The following SLC35F4 variants were observed in gnomAD, a reference collection of about 807,000 sequenced individuals.
The protein encoded by SLC35F4 is chromosome 14 open reading frame 36.
A neutral mutation model predicts 44.2 loss-of-function variants in SLC35F4; 24 were observed. The ratio of observed to expected loss-of-function variants is 0.54; its 90% CI spans 0.39 to 0.76. The LOEUF (loss-of-function observed/expected upper bound fraction) is 0.76. SLC35F4 is among the 30% of genes least tolerant of loss of function. The pLI is 0.00. For synonymous variants in SLC35F4, 238 were observed against 223.6 expected, an observed-to-expected ratio of 1.06 and a Z score of -0.57; for missense variants, 562 against 586.1, an observed-to-expected ratio of 0.96 and a Z score of 0.42.
intron 1 of SLC35F4, among the ~76,000 whole-genome samples, chr14:57,623,266 C>T (rs1257367577): frequency 6.6e-6 from 1 of 152,094 alleles, no homozygotes; most frequent in Non-Finnish European, 1.5e-5. Flanking sequence ...AGCTAAATAT[C>T]CTAAATATAT....
intron 1 of SLC35F4, among the ~76,000 whole-genome samples, chr14:57,701,348 C>T (rs2075534407): frequency 6.6e-6 from 1 of 152,090 alleles, no homozygotes; most frequent in South Asian, 2.1e-4. Context: ...CCTGAAAGAC[C>T]TGCCTGAGGG....
chr14:57,930,083 C>T (rs1430699394), intron 1 of SLC35F4, among the ~76,000 whole-genome samples: 1 of 152,152 alleles, frequency 6.6e-6, no homozygotes, highest in Non-Finnish European at 1.5e-5. Context: ...GCAAAACTCC[C>T]TGTGCAGAAC....
At chr14:57,630,221 T>A (rs2072699045) in intron 1 of SLC35F4, 1 of 561,342 alleles carries the variant, frequency 1.8e-6, no homozygotes, top group Admixed American at 2.0e-5. Flanking sequence ...TGTACAGTTC[T>A]TCATGCTATG....
chr14:57,915,251 G>A (rs573070477), intron 1 of SLC35F4, among the ~76,000 whole-genome samples: 1 of 152,208 alleles, frequency 6.6e-6, no homozygotes, highest in African/African-American at 2.4e-5. Flanking sequence ...TAGAGCTCTA[G>A]GCCTATGATA....
chr14:57,717,006 AC>A (rs1164122400), intron 1 of SLC35F4, among the ~76,000 whole-genome samples: 1 of 152,158 alleles, frequency 6.6e-6, no homozygotes, highest in Non-Finnish European at 1.5e-5. Context: ...TTCACTCAAC[AC>A]AGTGTCCTAC....
At chr14:57,849,898 CCT>C (rs1886404472) in intron 1 of SLC35F4, among the ~76,000 whole-genome samples, 1 of 152,148 alleles carries the variant, frequency 6.6e-6, no homozygotes, top group African/African-American at 2.4e-5. Flanking sequence ...CACACACACC[CCT>C]GAGGAAACTT....
At chr14:57,675,979 A>G (rs2074679933) in intron 1 of SLC35F4, among the ~76,000 whole-genome samples, 1 of 152,096 alleles carries the variant, frequency 6.6e-6, no homozygotes, top group Non-Finnish European at 1.5e-5. Context: ...ATGGGACCCA[A>G]TTAAACTAAA....
intron 1 of SLC35F4, among the ~76,000 whole-genome samples, chr14:57,728,466 T>TTTTTTTTTA: frequency 1.1e-5 from 1 of 93,226 alleles, no homozygotes; most frequent in African/African-American, 3.7e-5. Context: ...TTTTTTTTTT[T>TTTTTTTTTA]GAGATGGAGT....
chr14:57,566,451 G>C lies in SLC35F4; in HGVS notation c.1216+24C>G, dbSNP rs147052885. The C allele has an allele frequency of 3.3e-3, 5,188 of 1,568,664 alleles. 15 individuals are homozygous for C. The highest frequency in any genetic ancestry group is 4.3e-3 in the South Asian group (365 of 85,070). ...AAGAGACTTGTAGTGGCCAGGATCT[G>C]CACATGTCACATGGTGCCTGTACCT... On this transcript the variant is annotated intron_variant, in intron 7 of 7. Transcript: ENST00000556826.
At chr14:57,961,255 T>C (rs1394015707) in intron 1 of SLC35F4, among the ~76,000 whole-genome samples, 1 of 152,174 alleles carries the variant, frequency 6.6e-6, no homozygotes, top group Non-Finnish European at 1.5e-5. Flanking sequence ...AAAAATTATT[T>C]TTAATAATTC....
At chr14:57,981,369 G>A (rs1881377492) in intron 1 of SLC35F4, among the ~76,000 whole-genome samples, 1 of 152,140 alleles carries the variant, frequency 6.6e-6, no homozygotes, top group Non-Finnish European at 1.5e-5. Context: ...TGGGTGCTTG[G>A]GTGCTTATTG....
intron 1 of SLC35F4, among the ~76,000 whole-genome samples, chr14:57,598,474 C>A (rs559806195): frequency 8.5e-5 from 13 of 152,238 alleles, no homozygotes; most frequent in South Asian, 4.1e-4. Context: ...CTGAGTAAAA[C>A]AATTGCTTAA....
At chr14:57,574,186 A>C (rs187063156) in intron 4 of SLC35F4, among the ~76,000 whole-genome samples, 279 of 152,342 alleles carry the variant, frequency 1.8e-3, no homozygotes, top group African/African-American at 6.5e-3. Flanking sequence ...GCTACTAGTA[A>C]AAATAGATAT....
At chr14:57,794,571 A>C (rs953384153) in intron 1 of SLC35F4, among the ~76,000 whole-genome samples, 2 of 152,114 alleles carry the variant, frequency 1.3e-5, no homozygotes, top group Non-Finnish European at 2.9e-5. Flanking sequence ...TGTGGTGAAA[A>C]GCAAACTTGT....
intron 1 of SLC35F4, among the ~76,000 whole-genome samples, chr14:57,740,694 G>A (rs1470370043): frequency 6.6e-6 from 1 of 152,138 alleles, no homozygotes; most frequent in Non-Finnish European, 1.5e-5. Context: ...TTATGGTGAT[G>A]GCTATCCCAA....
intron 1 of SLC35F4, among the ~76,000 whole-genome samples, chr14:57,683,116 T>C (rs2074959007): frequency 6.6e-6 from 1 of 152,208 alleles, no homozygotes; most frequent in Admixed American, 6.5e-5. Flanking sequence ...GATTACCTGG[T>C]TGTCTGCAAA....
chr14:57,951,291 C>A (rs1890135744), intron 1 of SLC35F4, among the ~76,000 whole-genome samples: 1 of 152,188 alleles, frequency 6.6e-6, no homozygotes, highest in Admixed American at 6.5e-5. Flanking sequence ...TCACAACCTG[C>A]AGACCAGGAG....
intron 1 of SLC35F4, among the ~76,000 whole-genome samples, chr14:57,933,173 C>G (rs1204033804): frequency 6.6e-6 from 1 of 151,842 alleles, no homozygotes; most frequent in East Asian, 1.9e-4. Flanking sequence ...AGGCGTGTGA[C>G]ACCACACCTG....
chr14:57,852,566 CAGCTTCA>C (rs1280185657), intron 1 of SLC35F4, among the ~76,000 whole-genome samples: 2 of 152,310 alleles, frequency 1.3e-5, no homozygotes, highest in Non-Finnish European at 1.5e-5. Context: ...CAAGCAGTTC[CAGCTTCA>C]AGCACTTGCA....
Sources: allele counts gnomAD v4.1 joint callset (sites outside exome capture counted in the v4.1 genomes callset), GRCh38; gene constraint gnomAD v4.1.1; transcripts MANE v1.5; gene names NCBI Gene and HGNC (gene_info 2026-07-23, HGNC 2026-07-21).